Variants in CDK19 observed in about 807,000 individuals in gnomAD.
The protein encoded by CDK19 is cyclin dependent kinase 19, also known as cyclin-dependent kinase 19.
In CDK19, 20 loss-of-function variants were observed where a neutral mutation model predicts 68.3. The observed-to-expected ratio is 0.29, with a 90% CI of 0.21 to 0.43. CDK19 has a LOEUF of 0.43. Among genes scored for constraint, CDK19 ranks in the 20% least tolerant of loss-of-function variants. The pLI is 1.00. For synonymous variants in CDK19, 221 were observed against 222.8 expected (o/e 0.99, Z 0.07); for missense variants, 339 against 623.5 (o/e 0.54, Z 4.86).
At chr6:110,773,724 G>T (rs551671754) in intron 1 of CDK19, among the ~76,000 whole-genome samples, 2 of 151,880 alleles carry the variant, frequency 1.3e-5, no homozygotes, top group Admixed American at 1.3e-4. Flanking sequence ...AATTGTACGG[G>T]TATTATCTTG....
At chr6:110,784,498 G>A (rs531179624) in intron 1 of CDK19, among the ~76,000 whole-genome samples, 1 of 152,268 alleles carries the variant, frequency 6.6e-6, no homozygotes, top group Admixed American at 6.5e-5. Context: ...TGCTGACAAG[G>A]ATGTAGAGAA....
At chr6:110,669,221 T>C (rs1410129490) in intron 3 of CDK19, among the ~76,000 whole-genome samples, 1 of 152,256 alleles carries the variant, frequency 6.6e-6, no homozygotes, top group African/African-American at 2.4e-5. Context: ...TCTGCTATAA[T>C]AGCATACACT....
At chr6:110,656,255 A>G (rs940539) in intron 4 of CDK19, among the ~76,000 whole-genome samples, 16,330 of 152,224 alleles carry the variant, frequency 0.11, 1,038 homozygotes, top group Non-Finnish European at 0.14. Flanking sequence ...AGTACCCAGC[A>G]TACTATCTGG....
In CDK19 at chr6:110,814,864, G is replaced by A. The variant is rs1445749368; in HGVS notation, c.128+145C>T. On this transcript the variant is annotated intron_variant, in intron 1 of 12. Coordinates refer to ENST00000368911, the MANE Select transcript of CDK19 (RefSeq NM_015076.5). ...GAGGCGGGCGGAACGGGCGCCCCTC[G>A]GAGTCGGTGTCCGGACGCAACCCCG... The A allele has an allele frequency of 9.4e-6, 10 of 1,066,100 alleles. No individual in the cohort carries two copies. The East Asian group carries it at 2.8e-4, about 30-fold the overall frequency. The allele number at this position is 1,066,100 out of a possible 1,614,324, so 66.0% of individuals were successfully genotyped here.
chr6:110,622,545 T>C (rs1037810158), intron 10 of CDK19, among the ~76,000 whole-genome samples: 3 of 152,224 alleles, frequency 2.0e-5, no homozygotes, highest in Admixed American at 6.5e-5. Context: ...ATTTCTGATC[T>C]GGCCAATTGG....
chr6:110,771,159 C>A (rs1042310710), intron 1 of CDK19, among the ~76,000 whole-genome samples: 16 of 152,334 alleles, frequency 1.1e-4, no homozygotes, highest in African/African-American at 3.6e-4. Flanking sequence ...CCACTAGGGG[C>A]TCTGTGTGGG....
intron 4 of CDK19, among the ~76,000 whole-genome samples, chr6:110,648,081 A>G (rs1485531264): frequency 6.6e-6 from 1 of 152,346 alleles, no homozygotes. Flanking sequence ...ATCTACCTTA[A>G]CCTGACAACA....
intron 4 of CDK19, chr6:110,646,449 G>A (rs1346020365): frequency 4.0e-6 from 6 of 1,499,210 alleles, no homozygotes; most frequent in Admixed American, 2.1e-5. Context: ...CCCATGCACC[G>A]CCTCATCCCT....
In CDK19 at chr6:110,650,603, G is replaced by A. The variant is rs139292488; in HGVS notation, c.457-11897C>T. Among the ~76,000 whole-genome samples, 323 of 152,180 alleles carry A rather than the reference G, an allele frequency of 2.1e-3. 2 individuals carry two copies. Among genetic ancestry groups the A allele is most frequent in the African/African-American group, 7.4e-3 (308 of 41,518 alleles). ...ATTTAAGCATTATTTTAAATTCTTC[G>A]GAGAAAGCCTCTTTGAGAAGATAAC... On this transcript the variant is annotated intron_variant, in intron 4 of 12. Transcript: ENST00000368911.
chr6:110,772,794 G>A (rs1780111861), intron 1 of CDK19, among the ~76,000 whole-genome samples: 1 of 151,394 alleles, frequency 6.6e-6, no homozygotes, highest in Non-Finnish European at 1.5e-5. Flanking sequence ...TTGGGAGGCT[G>A]AAGTGGGAGG....
At chr6:110,662,135 A>G (rs1280236884) in intron 4 of CDK19, among the ~76,000 whole-genome samples, 3 of 151,870 alleles carry the variant, frequency 2.0e-5, no homozygotes, top group East Asian at 3.9e-4. Context: ...ACACCGAGCT[A>G]ATTTTTGTAT....
At chr6:110,694,690 C>T (rs190888294) in intron 2 of CDK19, among the ~76,000 whole-genome samples, 3 of 152,300 alleles carry the variant, frequency 2.0e-5, no homozygotes, top group Admixed American at 6.5e-5. Context: ...CCAACAACTG[C>T]GGAGAATACG....
At chr6:110,627,408 G>T (rs1172556038) in intron 6 of CDK19, among the ~76,000 whole-genome samples, 1 of 152,028 alleles carries the variant, frequency 6.6e-6, no homozygotes, top group African/African-American at 2.4e-5. Flanking sequence ...CAAATTGAAA[G>T]CCAAGTAATA....
At chr6:110,699,309 T>C (rs1455872640) in intron 2 of CDK19, among the ~76,000 whole-genome samples, 5 of 151,008 alleles carry the variant, frequency 3.3e-5, no homozygotes, top group African/African-American at 1.2e-4. Context: ...TCTGTAATCC[T>C]AGCTACATGG....
chr6:110,767,139 A>C (rs1779651738), intron 1 of CDK19, among the ~76,000 whole-genome samples: 1 of 148,978 alleles, frequency 6.7e-6, no homozygotes, highest in Admixed American at 6.7e-5. Context: ...CCTCAAAAAT[A>C]AATAAATAAA....
At chr6:110,707,503 C>A (rs1774611994) in intron 2 of CDK19, among the ~76,000 whole-genome samples, 1 of 152,122 alleles carries the variant, frequency 6.6e-6, no homozygotes, top group Non-Finnish European at 1.5e-5. Context: ...TATATGCACA[C>A]AAACATACAA....
At chr6:110,645,722 CAG>C in intron 4 of CDK19, 1 of 444,166 alleles carries the variant, frequency 2.3e-6, no homozygotes, top group Non-Finnish European at 4.3e-6. Context: ...TGGAGGCCAA[CAG>C]AGTCCCTACA....
chr6:110,802,406 T>C (rs572957580), intron 1 of CDK19, among the ~76,000 whole-genome samples: 16 of 147,476 alleles, frequency 1.1e-4, no homozygotes, highest in African/African-American at 3.9e-4. Flanking sequence ...GCCATTATCC[T>C]AAGTGAAATA....
chr6:110,754,937 G>C (rs2114921777), intron 1 of CDK19, among the ~76,000 whole-genome samples: 2 of 151,488 alleles, frequency 1.3e-5, no homozygotes, highest in Middle Eastern at 6.9e-3. Context: ...CACTGTGCTA[G>C]GTTCCAGGAA....
Sources: allele counts gnomAD v4.1 joint callset (sites outside exome capture counted in the v4.1 genomes callset), GRCh38; gene constraint gnomAD v4.1.1; transcripts MANE v1.5; gene names NCBI Gene and HGNC (gene_info 2026-07-23, HGNC 2026-07-21).